The following PID1 variants were observed in gnomAD, a reference collection of about 807,000 sequenced individuals.
PID1 encodes PTB-containing, cubilin and LRP1-interacting protein.
PID1 carries 10 observed loss-of-function variants against 19.1 expected under a neutral mutation model. That is an observed-to-expected ratio of 0.52 (90% CI 0.32 to 0.89). The LOEUF is 0.89. PID1 is among the 40% of genes least tolerant of loss of function. PID1 has a pLI of 0.03. For synonymous variants in PID1, 130 were observed against 116.0 expected (o/e 1.12, Z -0.78); for missense variants, 248 against 285.3 (o/e 0.87, Z 0.94).
chr2:229,114,901 T>G (rs560718409), intron 2 of PID1, among the ~76,000 whole-genome samples: 1 of 152,356 alleles, frequency 6.6e-6, no homozygotes, highest in East Asian at 1.9e-4. Flanking sequence ...ATCCTGACTC[T>G]TAGTCAATGA....
intron 1 of PID1, among the ~76,000 whole-genome samples, chr2:229,214,219 C>G (rs1287614646): frequency 6.6e-6 from 1 of 152,160 alleles, no homozygotes; most frequent in Non-Finnish European, 1.5e-5. Context: ...GAGAAAGTAG[C>G]TTGCCCAACA....
chr2:229,026,922 A>G (rs1047045625), intron 2 of PID1, among the ~76,000 whole-genome samples: 4 of 152,218 alleles, frequency 2.6e-5, no homozygotes, highest in Non-Finnish European at 5.9e-5. Context: ...TCATCCTTTC[A>G]TTGTTTTATT....
rs1693365503 is a variant in PID1, at chr2:229,024,396, C to CTGTG, written c.*1232_*1235dup. ...AATACAATTTCATTCTATGTTGACTCTGTGTTTATAATATTTAAAGAACCA... is the reference window on the plus strand; with the variant it reads ...AATACAATTTCATTCTATGTTGACTCTGTGTGTGTTTATAATATTTAAAGAACCA... On this transcript the variant is annotated 3_prime_UTR_variant, in exon 3 of 3. Transcript: ENST00000392055. 6.6e-6 allele frequency: 1 copy of CTGTG among 152,406 alleles called. No individual in the cohort carries two copies. Among genetic ancestry groups the CTGTG allele is most frequent in the Non-Finnish European group, 1.5e-5 (1 of 68,028 alleles). The allele number at this position is 152,406 out of a possible 1,614,324, so 9.4% of individuals were successfully genotyped here.
At chr2:229,197,007 C>A (rs1282406939) in intron 1 of PID1, among the ~76,000 whole-genome samples, 1 of 151,960 alleles carries the variant, frequency 6.6e-6, no homozygotes, top group African/African-American at 2.4e-5. Context: ...GAACACAAGG[C>A]AAACATATTT....
chr2:229,057,518 G>A (rs1056875028), intron 2 of PID1, among the ~76,000 whole-genome samples: 1 of 150,978 alleles, frequency 6.6e-6, no homozygotes, highest in Non-Finnish European at 1.5e-5. Flanking sequence ...ACTGCATTTT[G>A]CCTTATCAAA....
At chr2:229,142,143 T>C (rs2023499) in intron 2 of PID1, among the ~76,000 whole-genome samples, 33,016 of 152,054 alleles carry the variant, frequency 0.22, 4,040 homozygotes, top group South Asian at 0.48. Flanking sequence ...CATTCAAACC[T>C]GGGGCGGGGG....
intron 2 of PID1, among the ~76,000 whole-genome samples, chr2:229,065,909 A>C (rs956315509): frequency 3.9e-5 from 6 of 152,252 alleles, no homozygotes; most frequent in Middle Eastern, 3.4e-3. Context: ...TTGACATTAA[A>C]CTATTGATGT....
intron 1 of PID1, among the ~76,000 whole-genome samples, chr2:229,189,533 A>G (rs1373784677): frequency 6.6e-6 from 1 of 152,194 alleles, no homozygotes; most frequent in Non-Finnish European, 1.5e-5. Context: ...CATCTCTACT[A>G]AAAACACAAA....
At chr2:229,069,780 G>A (rs1462812344) in intron 2 of PID1, among the ~76,000 whole-genome samples, 6 of 152,156 alleles carry the variant, frequency 3.9e-5, no homozygotes, top group African/African-American at 1.4e-4. Flanking sequence ...CCAGTGAAGT[G>A]CTAAGCACTA....
At chr2:229,118,565 G>A (rs1416055345) in intron 2 of PID1, among the ~76,000 whole-genome samples, 1 of 152,164 alleles carries the variant, frequency 6.6e-6, no homozygotes, top group South Asian at 2.1e-4. Context: ...CGTGTCTTGA[G>A]ATGCTTCACA....
At chr2:229,026,458 T>C (rs1437694180) in intron 2 of PID1, among the ~76,000 whole-genome samples, 1 of 152,226 alleles carries the variant, frequency 6.6e-6, no homozygotes, top group Non-Finnish European at 1.5e-5. Flanking sequence ...TCACTCAAAG[T>C]TTATTTTCGG....
At chr2:229,218,919 T>C (rs192054256) in intron 1 of PID1, among the ~76,000 whole-genome samples, 246 of 152,332 alleles carry the variant, frequency 1.6e-3, no homozygotes, top group South Asian at 4.3e-3. Flanking sequence ...TACTCCTTTC[T>C]TTGTAGACCC....
At chr2:229,065,705 T>G (rs10199329) in intron 2 of PID1, among the ~76,000 whole-genome samples, 1 of 116,908 alleles carries the variant, frequency 8.6e-6, no homozygotes, top group Middle Eastern at 3.9e-3. Context: ...GGGTCTTTTG[T>G]GATTTACAAA....
intron 1 of PID1, among the ~76,000 whole-genome samples, chr2:229,186,643 C>T (rs1691139340): frequency 6.6e-6 from 1 of 152,202 alleles, no homozygotes; most frequent in African/African-American, 2.4e-5. Flanking sequence ...GGGCCCAAGC[C>T]ACAACAACAT....
intron 2 of PID1, among the ~76,000 whole-genome samples, chr2:229,059,753 T>C (rs578138032): frequency 1.1e-4 from 16 of 152,322 alleles, no homozygotes; most frequent in African/African-American, 3.8e-4. Flanking sequence ...ATCTGTTAAA[T>C]GACATTTTTA....
intron 2 of PID1, among the ~76,000 whole-genome samples, chr2:229,063,898 TAC>T (rs892393816): frequency 3.7e-4 from 57 of 152,254 alleles, no homozygotes; most frequent in African/African-American, 1.3e-3. Flanking sequence ...TGTCTCTTTT[TAC>T]AGTTTTTTTG....
intron 2 of PID1, among the ~76,000 whole-genome samples, chr2:229,143,085 CTA>C (rs1690051791): frequency 1.4e-5 from 2 of 147,878 alleles, no homozygotes; most frequent in Admixed American, 1.4e-4. Context: ...TCTCAGTAAA[CTA>C]TCACAAGAAC....
At chr2:229,060,885 A>T (rs1694199776) in intron 2 of PID1, among the ~76,000 whole-genome samples, 1 of 152,068 alleles carries the variant, frequency 6.6e-6, no homozygotes, top group Non-Finnish European at 1.5e-5. Context: ...TTCTTCATAT[A>T]TCTGTTGGCC....
intron 2 of PID1, among the ~76,000 whole-genome samples, chr2:229,061,675 T>C (rs1195624194): frequency 3.3e-5 from 5 of 152,042 alleles, no homozygotes; most frequent in Admixed American, 2.6e-4. Context: ...AGAAATTGTA[T>C]TGACCCTGTA....
Sources: gnomAD v4.1 joint callset for allele counts (sites outside exome capture counted in the v4.1 genomes callset) on GRCh38, gnomAD v4.1.1 for gene constraint, MANE v1.5 for transcripts, NCBI Gene and HGNC (gene_info 2026-07-23, HGNC 2026-07-21) for gene names.